PRUNE2: variants seen among roughly 807,000 people sequenced by gnomAD.
The protein encoded by PRUNE2 is protein prune homolog 2.
PRUNE2 carries 164 observed loss-of-function variants against 252.0 expected under a neutral mutation model. The ratio of observed to expected loss-of-function variants is 0.65; its 90% CI spans 0.57 to 0.74. The LOEUF is 0.74. PRUNE2 is among the 30% of genes least tolerant of loss of function. The probability of loss-of-function intolerance (pLI) is 0.00; values close to 1 mark genes in which losing one functional copy is unlikely to be tolerated. For synonymous variants in PRUNE2, 1,292 were observed against 1,350.2 expected, an observed-to-expected ratio of 0.96 and a Z score of 0.94; for missense variants, 3,495 against 3,711.0, an observed-to-expected ratio of 0.94 and a Z score of 1.51.
At chr9:76,624,361 G>C (rs994259911) in intron 17 of PRUNE2, 91 bp downstream of exon 17, 7 of 782,238 alleles carry the variant, frequency 8.9e-6, no homozygotes, top group Middle Eastern at 2.5e-4. Context: ...CAGGAAGCAG[G>C]AATAAAACAC....
intron 2 of PRUNE2, among the ~76,000 whole-genome samples, chr9:76,850,998 T>C (rs1331756670): frequency 2.0e-5 from 3 of 152,126 alleles, no homozygotes; most frequent in Non-Finnish European, 2.9e-5. Context: ...TAAATTTAAA[T>C]ATATGCATAT....
chr9:76,666,766 TTG>T (rs1416402067), intron 9 of PRUNE2, among the ~76,000 whole-genome samples: 1 of 152,192 alleles, frequency 6.6e-6, no homozygotes, highest in East Asian at 1.9e-4. Flanking sequence ...TCTCTTTGTC[TTG>T]TGTCTTTATT....
intron 9 of PRUNE2, 140 bp downstream of exon 9, chr9:76,703,197 C>T: frequency 1.5e-6 from 1 of 664,632 alleles, no homozygotes; most frequent in Non-Finnish European, 2.4e-6. Flanking sequence ...GCTGCTTTTA[C>T]TGATGGTGTG....
intron 4 of PRUNE2, among the ~76,000 whole-genome samples, chr9:76,830,999 G>A (rs944694030): frequency 3.3e-5 from 5 of 150,458 alleles, no homozygotes; most frequent in East Asian, 2.0e-4. Flanking sequence ...GCGTGATCTC[G>A]GCTCTCTGCA....
Position 76,706,512 on chromosome 9 carries a change from T to C in PRUNE2, c.5762A>G (p.Lys1921Arg). 3 of 1,613,998 alleles carry C rather than the reference T, an allele frequency of 1.9e-6. No homozygotes were observed. Among genetic ancestry groups the C allele is most frequent in the Non-Finnish European group, 2.5e-6 (3 of 1,179,890 alleles). Residue 1921 changes from lysine (K) to arginine (R), a missense_variant, in exon 8 of 19, where the codon AAG becomes AGG. Lys to Arg is a conservative substitution (Grantham distance 26). Transcript: ENST00000376718. ...GTCTAATTTTACAAGCTGGCTGAAC[T>C]TGTCAGCATCTGGGTCTGGCTGCCT... Reference protein sequence around the residue: ...QPRQPDPDADKFSQLVKLDQI... With the variant: ...QPRQPDPDADRFSQLVKLDQI...
intron 13 of PRUNE2, 83 bp from the exon 14 acceptor site, chr9:76,637,632 G>T: frequency 7.8e-7 from 1 of 1,282,984 alleles, no homozygotes; most frequent in East Asian, 2.4e-5. Context: ...AGTACAGGGT[G>T]TATGAAATTT....
At chr9:76,817,094 G>C (rs2057741888) in intron 6 of PRUNE2, among the ~76,000 whole-genome samples, 1 of 152,122 alleles carries the variant, frequency 6.6e-6, no homozygotes, top group Non-Finnish European at 1.5e-5. Context: ...AAGAAAGTTT[G>C]GTACAAAGAG....
intron 6 of PRUNE2, among the ~76,000 whole-genome samples, chr9:76,804,741 C>T (rs1314348766): frequency 6.6e-6 from 1 of 152,192 alleles, no homozygotes; most frequent in African/African-American, 2.4e-5. Flanking sequence ...CCTACATTTC[C>T]TTTTGGTTGG....
chr9:76,840,249 G>A (rs57844897), intron 4 of PRUNE2, among the ~76,000 whole-genome samples: 11,078 of 152,162 alleles, frequency 0.073, 536 homozygotes, highest in African/African-American at 0.13. Flanking sequence ...GGAAGAGTAG[G>A]CCCAACTTTT....
At chr9:76,619,597 A>G (rs140817148) in intron 17 of PRUNE2, among the ~76,000 whole-genome samples, 53 of 152,368 alleles carry the variant, frequency 3.5e-4, no homozygotes, top group African/African-American at 1.3e-3. Context: ...AAAAACACAA[A>G]GCAAAGATTA....
intron 4 of PRUNE2, among the ~76,000 whole-genome samples, chr9:76,829,016 CAA>C (rs1185924670): frequency 8.4e-5 from 8 of 95,490 alleles, no homozygotes; most frequent in East Asian, 3.2e-4. Context: ...CACTCTGTCT[CAA>C]AAAAAAAAAA....
At chr9:76,865,230 T>C (rs2060767557) in intron 1 of PRUNE2, among the ~76,000 whole-genome samples, 1 of 152,188 alleles carries the variant, frequency 6.6e-6, no homozygotes, top group African/African-American at 2.4e-5. Flanking sequence ...TGGTGGCTCA[T>C]GCCAGTAATC....
chr9:76,774,450 C>CTTTTTTTATTTATTTATTTTTT (rs1564272256), intron 6 of PRUNE2, among the ~76,000 whole-genome samples: 24 of 41,388 alleles, frequency 5.8e-4, no homozygotes, highest in Non-Finnish European at 5.1e-4. Flanking sequence ...CAGTTCAACC[C>CTTTTTTTATTTATTTATTTTTT]TTTTTTTTTT....
At chr9:76,665,358 A>C (rs747684664) in intron 9 of PRUNE2, among the ~76,000 whole-genome samples, 1 of 151,740 alleles carries the variant, frequency 6.6e-6, no homozygotes, top group Non-Finnish European at 1.5e-5. Context: ...GGGATCTGGG[A>C]CCTCACCTCC....
chr9:76,703,607 C>G lies in PRUNE2; in HGVS notation c.8006G>C (p.Gly2669Ala), dbSNP rs776863123. Residue 2669 changes from glycine (G) to alanine (A), a missense_variant, in exon 9 of 19, where the codon GGT (glycine) becomes GCT (alanine). Transcript: ENST00000376718. ...CAGAATCTGCAGCTGGGGACCCTCA[C>G]CCAAGCCGAGTTCAGAGAACGGCTC... is the stretch of plus-strand genomic sequence containing the variant. Reference protein sequence around the residue: ...TVEPFSELGLGEGPQLQILEE... With the variant: ...TVEPFSELGLAEGPQLQILEE... 4.0e-5 allele frequency: 65 copies of G among 1,612,988 alleles called. No homozygotes were observed. Among genetic ancestry groups the G allele is most frequent in the Non-Finnish European group, 4.9e-5 (58 of 1,179,882 alleles).
intron 11 of PRUNE2, among the ~76,000 whole-genome samples, chr9:76,648,497 GAT>G (rs1343517990): frequency 1.3e-5 from 2 of 152,170 alleles, no homozygotes; most frequent in African/African-American, 4.8e-5. Flanking sequence ...AAAAAGAAAT[GAT>G]CTTTCAAGCC....
rs1324786742 is a variant in PRUNE2 at position 76,662,831 on chromosome 9, T to C, written c.8277-7329A>G. Among the ~76,000 whole-genome samples, 4 of 152,196 alleles carry C rather than the reference T, an allele frequency of 2.6e-5. No homozygotes were observed. In the South Asian group the frequency reaches 6.2e-4, roughly 24 times the overall value. ...GAAAATGATTACATAAAGAGAAATA[T>C]CTCTTGTGTTAAGAGTTCCTTAATA... On this transcript the variant is annotated intron_variant, in intron 9 of 18. Transcript: ENST00000376718.
At chr9:76,779,064 A>T (rs1246881890) in intron 6 of PRUNE2, 1 of 152,200 alleles carries the variant, frequency 6.6e-6, no homozygotes, top group Non-Finnish European at 1.5e-5. Context: ...ACCTTTGAAG[A>T]TACTATGTTA....
At chr9:76,769,342 C>T (rs1380009072) in intron 6 of PRUNE2, among the ~76,000 whole-genome samples, 2 of 152,180 alleles carry the variant, frequency 1.3e-5, no homozygotes, top group African/African-American at 2.4e-5. Flanking sequence ...CCAGTAGCTC[C>T]GTAGCACTTC....
Sources: allele counts gnomAD v4.1 joint callset (sites outside exome capture counted in the v4.1 genomes callset), GRCh38; gene constraint gnomAD v4.1.1; transcripts MANE v1.5; gene names NCBI Gene and HGNC (gene_info 2026-07-23, HGNC 2026-07-21).